Variants in THRB observed in about 807,000 individuals in gnomAD.
The protein encoded by THRB is nuclear receptor subfamily 1 group A member 2.
A neutral mutation model predicts 47.8 loss-of-function variants in THRB; 12 were observed. The observed-to-expected ratio is 0.25, with a 90% CI of 0.16 to 0.41. The LOEUF is 0.41. Ranked by LOEUF, THRB falls within the 10% of genes least tolerant of loss-of-function variation. THRB has a pLI of 1.00. For synonymous variants in THRB, 218 were observed against 212.2 expected (o/e 1.03, Z -0.24); for missense variants, 348 against 589.2 (o/e 0.59, Z 4.24).
chr3:24,182,304 G>A (rs752513187), intron 5 of THRB, among the ~76,000 whole-genome samples: 4 of 152,208 alleles, frequency 2.6e-5, no homozygotes, highest in Non-Finnish European at 5.9e-5. Context: ...GAGATGTCCT[G>A]GGGAAGGGAA....
chr3:24,333,464 A>G (rs1465024614), intron 2 of THRB, among the ~76,000 whole-genome samples: 1 of 152,258 alleles, frequency 6.6e-6, no homozygotes, highest in East Asian at 1.9e-4. Flanking sequence ...TTGACTCTTA[A>G]TGACTTGAAA....
intron 3 of THRB, among the ~76,000 whole-genome samples, chr3:24,277,468 C>T (rs1297854299): frequency 6.6e-6 from 1 of 152,154 alleles, no homozygotes; most frequent in Non-Finnish European, 1.5e-5. Flanking sequence ...ATTTTTGATT[C>T]AGTGAGTCTG....
rs146679487 is a variant in THRB, at chr3:24,130,947, T to C, written c.885+2369A>G. Among the ~76,000 whole-genome samples the C allele has an allele frequency of 8.7e-4, 133 of 152,330 alleles. 1 individual carries two copies. The highest frequency in any genetic ancestry group is 3.0e-3 in the African/African-American group (124 of 41,570). ...AATACTATGTGGTCATTGGAAATCATTTTGTGAAAAAATATGTAAACGCTA... is the reference window on the plus strand; with the variant it reads ...AATACTATGTGGTCATTGGAAATCACTTTGTGAAAAAATATGTAAACGCTA... On this transcript the variant is annotated intron_variant, in intron 9 of 10. Transcript: ENST00000646209.
chr3:24,428,833 T>A (rs1347478224), intron 1 of THRB, among the ~76,000 whole-genome samples: 1 of 151,552 alleles, frequency 6.6e-6, no homozygotes, highest in African/African-American at 2.4e-5. Flanking sequence ...AAAAGATACC[T>A]TAAATGGTTC....
At chr3:24,264,889 G>T (rs965490617) in intron 3 of THRB, among the ~76,000 whole-genome samples, 6 of 152,038 alleles carry the variant, frequency 3.9e-5, no homozygotes, top group African/African-American at 1.2e-4. Flanking sequence ...CCCCAGAACC[G>T]TAGGTGGGTG....
intron 1 of THRB, among the ~76,000 whole-genome samples, chr3:24,376,572 G>C (rs1371085017): frequency 1.3e-5 from 2 of 152,108 alleles, no homozygotes; most frequent in East Asian, 3.9e-4. Flanking sequence ...GCTACAAAAG[G>C]TCAGATGTTG....
At chr3:24,317,133 T>C (rs755926547) in intron 2 of THRB, among the ~76,000 whole-genome samples, 3 of 152,218 alleles carry the variant, frequency 2.0e-5, no homozygotes, top group Non-Finnish European at 4.4e-5. Context: ...GTATATTTTA[T>C]AAGTAAAAAG....
At chr3:24,238,491 A>G (rs2049148378) in intron 3 of THRB, among the ~76,000 whole-genome samples, 2 of 152,184 alleles carry the variant, frequency 1.3e-5, no homozygotes, top group African/African-American at 4.8e-5. Flanking sequence ...GCAGCAAATG[A>G]TTTATTATTG....
intron 10 of THRB, among the ~76,000 whole-genome samples, chr3:24,123,748 G>C (rs1356193307): frequency 6.6e-6 from 1 of 152,142 alleles, no homozygotes; most frequent in Non-Finnish European, 1.5e-5. Context: ...GAATTGAAAT[G>C]AAAAGGGGAG....
intron 1 of THRB, among the ~76,000 whole-genome samples, chr3:24,441,222 A>G (rs1343397555): frequency 1.3e-5 from 2 of 152,216 alleles, no homozygotes; most frequent in East Asian, 1.9e-4. Flanking sequence ...AACACTCTTC[A>G]TTCTGCTAAA....
rs1273140949 is a variant in THRB, at chr3:24,117,772, G to C, written c.*5112C>G. ...TCCCAGATATTAAAGTCAATAATTA[G>C]CTTTCTGCTTAAGCCAGTTTGAGTT... On this transcript the variant is annotated 3_prime_UTR_variant, in exon 11 of 11. Transcript: ENST00000646209. 1 of 152,230 alleles carries C rather than the reference G, an allele frequency of 6.6e-6. No individual in the cohort carries two copies. The highest frequency in any genetic ancestry group is 6.5e-5 in the Admixed American group (1 of 15,288). The allele number at this position is 152,230 out of a possible 1,614,324, so 9.4% of individuals were successfully genotyped here.
At chr3:24,259,606 T>G (rs1420366427) in intron 3 of THRB, among the ~76,000 whole-genome samples, 1 of 146,090 alleles carries the variant, frequency 6.8e-6, no homozygotes, top group Non-Finnish European at 1.5e-5. Context: ...AAAGTGGGAA[T>G]TAGCTCTGCT....
chr3:24,131,149 G>T (rs905073347), intron 9 of THRB, among the ~76,000 whole-genome samples: 10 of 152,014 alleles, frequency 6.6e-5, no homozygotes, highest in African/African-American at 2.4e-4. Context: ...ACAGTACATT[G>T]TGGTATGCAT....
At chr3:24,366,808 A>G (rs1034078334) in intron 1 of THRB, among the ~76,000 whole-genome samples, 8 of 151,764 alleles carry the variant, frequency 5.3e-5, no homozygotes, top group Non-Finnish European at 1.2e-4. Context: ...TTTAGTAGAG[A>G]TGAAGTTTCA....
intron 5 of THRB, among the ~76,000 whole-genome samples, chr3:24,181,997 C>G (rs545955412): frequency 6.6e-6 from 1 of 152,078 alleles, no homozygotes; most frequent in Non-Finnish European, 1.5e-5. Context: ...TTCAGGAGAT[C>G]GAGACCATCC....
intron 1 of THRB, among the ~76,000 whole-genome samples, chr3:24,488,971 G>T (rs1697724795): frequency 6.6e-6 from 1 of 152,240 alleles, no homozygotes; most frequent in East Asian, 1.9e-4. Context: ...AAAATCAACT[G>T]AATGATTTCA....
chr3:24,245,774 G>A (rs1038255328), intron 3 of THRB, among the ~76,000 whole-genome samples: 4 of 152,142 alleles, frequency 2.6e-5, no homozygotes, highest in African/African-American at 9.7e-5. Flanking sequence ...TTAGCCGGGT[G>A]TGGTGGCACG....
chr3:24,428,671 G>A lies in THRB; in HGVS notation c.-261+65981C>T, dbSNP rs138763682. ...GCTGAGCTTATCAAAATGCGTTTTT[G>A]GTTATGTTCGAGGCAAGAAGAACAG... On this transcript the variant is annotated intron_variant, in intron 1 of 10. Transcript: ENST00000646209. 3.8e-3 allele frequency among the ~76,000 whole-genome samples: 583 copies of A among 152,040 alleles called. 9 individuals carry two copies. Among genetic ancestry groups the A allele is most frequent in the African/African-American group, 0.013 (536 of 41,502 alleles).
chr3:24,241,195 T>G (rs1411575786), intron 3 of THRB, among the ~76,000 whole-genome samples: 1 of 152,192 alleles, frequency 6.6e-6, no homozygotes, highest in African/African-American at 2.4e-5. Flanking sequence ...TGCTTACTTG[T>G]AAGTATGGGG....
Sources: allele counts gnomAD v4.1 joint callset (sites outside exome capture counted in the v4.1 genomes callset), GRCh38; gene constraint gnomAD v4.1.1; transcripts MANE v1.5; gene names NCBI Gene and HGNC (gene_info 2026-07-23, HGNC 2026-07-21).